VAC14: variants seen among roughly 807,000 people sequenced by gnomAD.
VAC14 encodes protein VAC14 homolog.
A neutral mutation model predicts 85.3 loss-of-function variants in VAC14; 47 were observed. That is an observed-to-expected ratio of 0.55 (90% CI 0.44 to 0.70). The LOEUF is 0.70. Among genes scored for constraint, VAC14 ranks in the 30% least tolerant of loss-of-function variants. VAC14 has a pLI of 0.00. For missense variants in VAC14, 861 were observed against 1,004.3 expected (o/e 0.86, Z 1.93); for synonymous variants, 447 against 430.5 (o/e 1.04, Z -0.47).
intron 18 of VAC14, chr16:70,689,664 T>C (rs1293218629): frequency 3.0e-6 from 3 of 985,570 alleles, no homozygotes; most frequent in Non-Finnish European, 3.6e-6. Context: ...CTGCGGCTGC[T>C]GCTTTTCTGG....
At chr16:70,768,530 C>T (rs995275769) in intron 10 of VAC14, 4 of 298,092 alleles carry the variant, frequency 1.3e-5, no homozygotes, top group Non-Finnish European at 2.6e-5. Flanking sequence ...GTGGAGGAAC[C>T]CAGACCTACA....
chr16:70,721,900 C>A (rs541532504), intron 14 of VAC14, among the ~76,000 whole-genome samples: 22 of 152,232 alleles, frequency 1.4e-4, no homozygotes, highest in Admixed American at 2.0e-4. Context: ...CACCATCAGG[C>A]CATCACTCTC....
rs535407594 is a variant in VAC14, at chr16:70,795,035, C to T, written c.104+5762G>A. The stretch of plus-strand genomic sequence containing the variant: ...TGCCTAACTATTCAGCAGTCACATG[C>T]TGTGCAGGTTTGTAGACTAGGGACA... On this transcript the variant is annotated intron_variant, in intron 1 of 18. Transcript: ENST00000261776. Among the ~76,000 whole-genome samples, 3 of 152,344 alleles carry T rather than the reference C, an allele frequency of 2.0e-5. No homozygotes were observed. In the East Asian group the frequency reaches 5.8e-4, roughly 29 times the overall value.
At chr16:70,730,256 C>T (rs147857742) in intron 14 of VAC14, among the ~76,000 whole-genome samples, 20 of 152,126 alleles carry the variant, frequency 1.3e-4, no homozygotes, top group African/African-American at 4.8e-4. Context: ...CCAACCCATT[C>T]GCCCCAGCAA....
At chr16:70,718,429 G>A (rs957977376) in intron 14 of VAC14, among the ~76,000 whole-genome samples, 2 of 151,976 alleles carry the variant, frequency 1.3e-5, no homozygotes, top group African/African-American at 2.4e-5. Context: ...AAAATTAGCC[G>A]GGTGTGGTCG....
At chr16:70,749,225 G>A (rs887369639) in intron 12 of VAC14, among the ~76,000 whole-genome samples, 2 of 152,218 alleles carry the variant, frequency 1.3e-5, no homozygotes, top group Non-Finnish European at 2.9e-5. Context: ...GGACAGCAGT[G>A]CCCACACCAA....
intron 12 of VAC14, among the ~76,000 whole-genome samples, chr16:70,754,065 C>T (rs77029026): frequency 0.019 from 2,870 of 152,306 alleles, 91 homozygotes; most frequent in African/African-American, 0.064. Flanking sequence ...CTGTGCCCAG[C>T]TCTGGGTCCT....
intron 9 of VAC14, among the ~76,000 whole-genome samples, chr16:70,776,413 T>A (rs1236134826): frequency 6.6e-6 from 1 of 152,164 alleles, no homozygotes; most frequent in East Asian, 1.9e-4. Context: ...CCTGGCCCAT[T>A]TGTTACATAA....
intron 1 of VAC14, among the ~76,000 whole-genome samples, chr16:70,789,444 A>C (rs2034222745): frequency 6.6e-6 from 1 of 152,174 alleles, no homozygotes; most frequent in Non-Finnish European, 1.5e-5. Flanking sequence ...TAATCAACTT[A>C]TATGCAAGGA....
At chr16:70,795,993 G>A (rs1048036156) in intron 1 of VAC14, among the ~76,000 whole-genome samples, 8 of 152,188 alleles carry the variant, frequency 5.3e-5, no homozygotes, top group Non-Finnish European at 1.0e-4. Context: ...AGACTCTTCT[G>A]GGAAGACAGC....
chr16:70,775,713 C>T (rs1567594721), intron 9 of VAC14, among the ~76,000 whole-genome samples: 1 of 152,238 alleles, frequency 6.6e-6, no homozygotes, highest in Non-Finnish European at 1.5e-5. Context: ...GCAGGATAGA[C>T]TGGAACAGCA....
At chr16:70,702,955 G>A (rs184186908) in intron 14 of VAC14, among the ~76,000 whole-genome samples, 1 of 152,244 alleles carries the variant, frequency 6.6e-6, no homozygotes, top group South Asian at 2.1e-4. Context: ...AGGAATCTGA[G>A]GTTCAGAGAG....
chr16:70,784,347 T>C (rs1486171655), intron 4 of VAC14, 127 bp from the exon 5 acceptor site: 2 of 703,504 alleles, frequency 2.8e-6, no homozygotes, highest in Non-Finnish European at 4.9e-6. Flanking sequence ...GATCCTGAGC[T>C]AGGCATAAGA....
At chr16:70,761,461 TATGG>T (rs2032376140) in intron 12 of VAC14, among the ~76,000 whole-genome samples, 1 of 152,102 alleles carries the variant, frequency 6.6e-6, no homozygotes, top group Non-Finnish European at 1.5e-5. Flanking sequence ...GAAGAGCTGG[TATGG>T]ATGGAGGGAT....
chr16:70,689,778 G>A (rs1271195998), intron 18 of VAC14: 1 of 985,544 alleles, frequency 1.0e-6, no homozygotes, highest in Admixed American at 6.1e-5. Flanking sequence ...TGTGGGCAGT[G>A]TTCTAGGCTG....
chr16:70,783,270 A>G, intron 6 of VAC14, 131 bp from the exon 7 acceptor site: 1 of 1,090,292 alleles, frequency 9.2e-7, no homozygotes. Flanking sequence ...TCAGGTGATC[A>G]TTTTCAGATG....
intron 14 of VAC14, chr16:70,699,553 C>A (rs1384912953): frequency 6.6e-6 from 1 of 152,140 alleles, no homozygotes; most frequent in Non-Finnish European, 1.5e-5. Context: ...TGAAGAGGAG[C>A]CTCCCTGTTA....
intron 3 of VAC14, 34 bp downstream of exon 3, chr16:70,785,668 G>T (rs202056092): frequency 4.6e-6 from 7 of 1,529,454 alleles, no homozygotes; most frequent in Non-Finnish European, 6.2e-6. Context: ...GGAACCAAGC[G>T]CAGCTCAGTG....
intron 1 of VAC14, among the ~76,000 whole-genome samples, chr16:70,789,259 T>C (rs914728071): frequency 1.3e-5 from 2 of 152,224 alleles, no homozygotes; most frequent in African/African-American, 4.8e-5. Flanking sequence ...TTTAATATAC[T>C]TTTGCTACCA....
Sources: gnomAD v4.1 joint callset for allele counts (sites outside exome capture counted in the v4.1 genomes callset) on GRCh38, gnomAD v4.1.1 for gene constraint, MANE v1.5 for transcripts, NCBI Gene and HGNC (gene_info 2026-07-23, HGNC 2026-07-21) for gene names.